DNAAF1: variants seen among roughly 807,000 people sequenced by gnomAD.
The protein encoded by DNAAF1 is dynein assembly factor 1, axonemal.
Under a neutral mutation model 71.1 loss-of-function variants are expected in DNAAF1, and 65 were observed. The ratio of observed to expected loss-of-function variants is 0.91; its 90% CI spans 0.75 to 1.12. The LOEUF is 1.12. Among genes scored for constraint, DNAAF1 ranks in the 50% most tolerant of loss-of-function variants. DNAAF1 has a pLI of 0.00. For synonymous variants in DNAAF1, 414 were observed against 354.6 expected (o/e 1.17, Z -1.88); for missense variants, 1,178 against 899.8 (o/e 1.31, Z -3.96).
chr16:84,145,328 G>T lies in DNAAF1; in HGVS notation c.-113G>T. Reference sequence around the variant, plus strand: ...GGGCTGTAAAGACTAGGGCGCCAGCGGCTGGCGAAGAAGGAAAGAGGGTAC... The same window carrying T: ...GGGCTGTAAAGACTAGGGCGCCAGCTGCTGGCGAAGAAGGAAAGAGGGTAC... On this transcript the variant is annotated 5_prime_UTR_variant, in exon 1 of 12. Transcript: ENST00000378553. 6.7e-7 allele frequency: 1 copy of T among 1,502,792 alleles called. No homozygotes were observed. The highest frequency in any genetic ancestry group is 8.9e-7 in the Non-Finnish European group (1 of 1,117,730). The allele number at this position is 1,502,792 out of a possible 1,614,324, so 93.1% of individuals were successfully genotyped here.
intron 6 of DNAAF1, among the ~76,000 whole-genome samples, chr16:84,160,330 A>G (rs1289592766): frequency 6.6e-6 from 1 of 152,134 alleles, no homozygotes; most frequent in Non-Finnish European, 1.5e-5. Flanking sequence ...GACTTTTTCC[A>G]AGTTTCTTTT....
At chr16:84,164,565 G>C (rs2087873719) in intron 6 of DNAAF1, among the ~76,000 whole-genome samples, 1 of 152,130 alleles carries the variant, frequency 6.6e-6, no homozygotes. Flanking sequence ...AGGAAGTTAG[G>C]CTTCTTCCAT....
At chr16:84,171,154 G>C (rs1408010718) in intron 8 of DNAAF1, among the ~76,000 whole-genome samples, 1 of 152,082 alleles carries the variant, frequency 6.6e-6, no homozygotes, top group Non-Finnish European at 1.5e-5. Context: ...AGTAGGGGCA[G>C]GCCTTGCGAG....
At chr16:84,148,596 C>CTCTCTCTTTTTTTTTTTTTTTTTTTTTT in intron 1 of DNAAF1, among the ~76,000 whole-genome samples, 5 of 43,578 alleles carry the variant, frequency 1.1e-4, no homozygotes, top group Admixed American at 3.2e-4. Context: ...CTCTCTCTCT[C>CTCTCTCTTTTTTTTTTTTTTTTTTTTTT]TTTTTTTTTT....
At chr16:84,168,822 C>CTACATA (rs1555524801) in intron 7 of DNAAF1, among the ~76,000 whole-genome samples, 1 of 42,346 alleles carries the variant, frequency 2.4e-5, no homozygotes. Context: ...TACACATTTG[C>CTACATA]CACATACACA....
At position 84,145,550 on chromosome 16, in the gene DNAAF1, G is replaced by A. The variant is rs193069859; in HGVS notation, c.110G>A (p.Gly37Glu). ...SAGDHGSAGR[G>E]GCKEEINDPK... ...GGTGACCACGGGAGCGCAGGCCGAG[G>A]GGGCTGCAAGGAAGGTGCCGACTGC... The change falls in exon 1 of 12, where the codon GGG becomes GAG. Residue 37 changes from glycine (G) to glutamate (E), a missense_variant. Physicochemically the swap from Gly to Glu is moderately conservative, Grantham distance 98. Transcript: ENST00000378553. The A allele has an allele frequency of 2.0e-5, 31 of 1,548,892 alleles. No individual in the cohort carries two copies. In the East Asian group the frequency reaches 7.3e-4, roughly 36 times the overall value.
At chr16:84,146,916 T>C (rs2086941032) in intron 1 of DNAAF1, among the ~76,000 whole-genome samples, 1 of 152,194 alleles carries the variant, frequency 6.6e-6, no homozygotes, top group Non-Finnish European at 1.5e-5. Flanking sequence ...GCAACAAATA[T>C]ATCTTAAGCA....
At chr16:84,152,378 C>T (rs904684173) in intron 3 of DNAAF1, among the ~76,000 whole-genome samples, 7 of 152,160 alleles carry the variant, frequency 4.6e-5, no homozygotes, top group East Asian at 1.9e-4. Flanking sequence ...TAAGGCCAGG[C>T]GTGGTGGCTC....
In DNAAF1 at chr16:84,159,565, A is replaced by C. The variant is rs80353755; in HGVS notation, c.742-110A>C. 0.028 allele frequency: 41,148 copies of C among 1,456,476 alleles called. 785 individuals carry two copies. Among genetic ancestry groups the C allele is most frequent in the Middle Eastern group, 0.085 (482 of 5,654 alleles). The allele number at this position is 1,456,476 out of a possible 1,614,324, so 90.2% of individuals were successfully genotyped here. A position where few individuals can be genotyped will look rare whatever the true frequency, so the allele number is the denominator to read the frequency against. On this transcript the variant is annotated intron_variant, in intron 5 of 11. Transcript: ENST00000378553. ...ACCAGGACAGGATATTGGCACTTCT[A>C]TTTTGCTCAAAAAATAGATTTTGTT...
chr16:84,148,901 C>G (rs1156358454), intron 1 of DNAAF1, 106 bp from the exon 2 acceptor site: 2 of 1,300,778 alleles, frequency 1.5e-6, no homozygotes, highest in African/African-American at 1.5e-5. Context: ...CTAAAGAATA[C>G]TGGTGTTCTA....
At chr16:84,160,212 C>T (rs938770689) in intron 6 of DNAAF1, among the ~76,000 whole-genome samples, 16 of 152,176 alleles carry the variant, frequency 1.1e-4, no homozygotes, top group Admixed American at 7.2e-4. Flanking sequence ...GGGTGAAGAT[C>T]GTACCCCATT....
intron 7 of DNAAF1, among the ~76,000 whole-genome samples, chr16:84,169,428 A>AT (rs1271043874): frequency 6.8e-6 from 1 of 147,696 alleles, no homozygotes; most frequent in African/African-American, 2.5e-5. Flanking sequence ...TTTATTTATA[A>AT]TTTTTTTTGG....
intron 4 of DNAAF1, 38 bp from the exon 5 acceptor site, chr16:84,155,545 T>G: frequency 6.2e-7 from 1 of 1,612,640 alleles, no homozygotes; most frequent in Non-Finnish European, 8.5e-7. Flanking sequence ...AGCATTTTTA[T>G]GCCTTTGTTT....
At chr16:84,167,377 A>T (rs1488066380) in intron 7 of DNAAF1, among the ~76,000 whole-genome samples, 3 of 152,156 alleles carry the variant, frequency 2.0e-5, no homozygotes, top group Non-Finnish European at 4.4e-5. Context: ...CAGAAGCTCC[A>T]GCACGTGGGC....
intron 3 of DNAAF1, among the ~76,000 whole-genome samples, chr16:84,153,193 A>C (rs75151462): frequency 0.038 from 5,824 of 152,262 alleles, 345 homozygotes; most frequent in African/African-American, 0.13. Context: ...CAGCATGAAG[A>C]CCTTGGAGCA....
chr16:84,158,331 T>A, intron 5 of DNAAF1, among the ~76,000 whole-genome samples: 1 of 152,182 alleles, frequency 6.6e-6, no homozygotes, highest in African/African-American at 2.4e-5. Flanking sequence ...TAGATGGCCG[T>A]CTTCTCCCTG....
intron 5 of DNAAF1, among the ~76,000 whole-genome samples, chr16:84,156,658 G>T (rs1056940591): frequency 1.3e-5 from 2 of 152,112 alleles, no homozygotes; most frequent in African/African-American, 4.8e-5. Flanking sequence ...GTCACACAAT[G>T]ACAACTTTCC....
chr16:84,170,381 C>T (rs1264232765), intron 8 of DNAAF1, 25 bp downstream of exon 8: 3 of 1,613,312 alleles, frequency 1.9e-6, no homozygotes, highest in Non-Finnish European at 2.5e-6. Flanking sequence ...GAAACACACA[C>T]AGACACACAC....
chr16:84,165,869 T>C lies in DNAAF1; in HGVS notation c.950T>C (p.Ile317Thr). 6.2e-7 allele frequency: 1 copy of C among 1,613,104 alleles called. No individual in the cohort carries two copies. Among genetic ancestry groups the C allele is most frequent in the South Asian group, 1.1e-5 (1 of 91,042 alleles). The change falls in exon 7 of 12, where the codon ATC (isoleucine) becomes ACC (threonine). Residue 317 changes from isoleucine (I) to threonine (T), a missense_variant. Coordinates refer to ENST00000378553, the MANE Select transcript of DNAAF1 (RefSeq NM_178452.6). ...QQWESRERKK[I>T]TDSIEALAMI... ...TGGGAGAGCAGGGAGCGGAAGAAGA[T>C]CACAGACAGCATTGAAGCCTTGGCC...
Sources: gnomAD v4.1 joint callset for allele counts (sites outside exome capture counted in the v4.1 genomes callset) on GRCh38, gnomAD v4.1.1 for gene constraint, MANE v1.5 for transcripts, NCBI Gene and HGNC (gene_info 2026-07-23, HGNC 2026-07-21) for gene names.